Variants in NCAM2 observed in about 807,000 individuals in gnomAD.
NCAM2 encodes N-CAM-2.
NCAM2 carries 30 observed loss-of-function variants against 98.1 expected under a neutral mutation model. The observed-to-expected ratio is 0.31, with a 90% CI of 0.23 to 0.41. The LOEUF (loss-of-function observed/expected upper bound fraction) is 0.41, where lower values mean the gene tolerates loss of function less well. NCAM2 is among the 10% of genes least tolerant of loss of function. NCAM2 has a pLI of 1.00. For synonymous variants in NCAM2, 368 were observed against 342.4 expected (o/e 1.07, Z -0.83); for missense variants, 867 against 1,005.8 (o/e 0.86, Z 1.87).
intron 1 of NCAM2, among the ~76,000 whole-genome samples, chr21:21,186,696 G>C (rs1473288214): frequency 1.3e-5 from 2 of 152,000 alleles, no homozygotes; most frequent in Non-Finnish European, 2.9e-5. Context: ...TCCTATGCTT[G>C]TAATTTTCTA....
chr21:21,220,489 G>GTGTAA (rs2070103019), intron 1 of NCAM2, among the ~76,000 whole-genome samples: 1 of 152,102 alleles, frequency 6.6e-6, no homozygotes, highest in African/African-American at 2.4e-5. Context: ...GTCTAGGTCT[G>GTGTAA]TGTAAGCAAA....
intron 9 of NCAM2, among the ~76,000 whole-genome samples, chr21:21,399,116 C>T (rs944487559): frequency 3.3e-5 from 5 of 152,128 alleles, no homozygotes; most frequent in African/African-American, 1.2e-4. Context: ...AAAATTTTGT[C>T]TTTGGTCAAG....
At chr21:21,516,004 T>G (rs1988690427) in intron 16 of NCAM2, among the ~76,000 whole-genome samples, 1 of 152,164 alleles carries the variant, frequency 6.6e-6, no homozygotes, top group Non-Finnish European at 1.5e-5. Flanking sequence ...AACTCTACAG[T>G]TGTTAAGATC....
At chr21:21,534,351 T>C (rs1175291940) in intron 16 of NCAM2, among the ~76,000 whole-genome samples, 186 bp from the exon 17 acceptor site, 2 of 152,100 alleles carry the variant, frequency 1.3e-5, no homozygotes, top group East Asian at 1.9e-4. Context: ...TCTTCCTTTT[T>C]TTCTGAGTGA....
At chr21:21,375,932 A>T (rs1042534685) in intron 9 of NCAM2, among the ~76,000 whole-genome samples, 2 of 151,828 alleles carry the variant, frequency 1.3e-5, no homozygotes, top group Non-Finnish European at 2.9e-5. Flanking sequence ...TTAGTACTAA[A>T]TGTCTGTTGC....
chr21:21,146,947 A>C (rs2067292032), intron 1 of NCAM2, among the ~76,000 whole-genome samples: 1 of 150,784 alleles, frequency 6.6e-6, no homozygotes. Context: ...CTACTCCGGA[A>C]CTCAGACCGC....
intron 15 of NCAM2, among the ~76,000 whole-genome samples, chr21:21,502,627 GAAGT>G (rs1987710956): frequency 6.6e-6 from 1 of 151,912 alleles, no homozygotes; most frequent in Admixed American, 6.6e-5. Context: ...TACGAAGGAC[GAAGT>G]AAGAACATAT....
rs533111488 is a variant in NCAM2, at chr21:21,368,732, C to T, written c.1045-5131C>T. 2.0e-5 allele frequency among the ~76,000 whole-genome samples: 3 copies of T among 151,882 alleles called. No homozygotes were observed. In the South Asian group the frequency reaches 6.2e-4, roughly 31 times the overall value. ...ATCTAATCAACTCCCAAAGGCCCAA[C>T]CTCCAAAAATACCAGCACAGTGGGG... On this transcript the variant is annotated intron_variant, in intron 8 of 17. Transcript: ENST00000400546.
intron 5 of NCAM2, among the ~76,000 whole-genome samples, chr21:21,316,605 G>T (rs2074229508): frequency 7.5e-6 from 1 of 133,194 alleles, no homozygotes. Context: ...GTGTGATCTC[G>T]GCTCACTACA....
At chr21:21,229,261 A>T (rs1035764960) in intron 1 of NCAM2, among the ~76,000 whole-genome samples, 5 of 151,664 alleles carry the variant, frequency 3.3e-5, no homozygotes, top group African/African-American at 1.2e-4. Context: ...CCTATGTTTG[A>T]TTTGCTGCAT....
intron 12 of NCAM2, among the ~76,000 whole-genome samples, chr21:21,460,023 G>A (rs1038939258): frequency 2.0e-5 from 3 of 151,782 alleles, no homozygotes; most frequent in African/African-American, 7.3e-5. Flanking sequence ...TTATTTCAGA[G>A]TGTATGCATA....
At chr21:21,054,245 G>A (rs2065169543) in intron 1 of NCAM2, among the ~76,000 whole-genome samples, 1 of 151,916 alleles carries the variant, frequency 6.6e-6, no homozygotes, top group African/African-American at 2.4e-5. Flanking sequence ...AGGAACCTAG[G>A]CGTAAGTACA....
intron 1 of NCAM2, among the ~76,000 whole-genome samples, chr21:21,017,619 T>C (rs975180569): frequency 5.9e-5 from 9 of 151,990 alleles, no homozygotes; most frequent in African/African-American, 2.2e-4. Context: ...TCCTCGCTTA[T>C]GATTTCTTCC....
rs1217131122 is a variant in NCAM2 at position 21,540,586 on chromosome 21, T to C, written c.*2629T>C. 2 of 152,064 alleles carry C rather than the reference T, an allele frequency of 1.3e-5. No individual in the cohort carries two copies. Among genetic ancestry groups the C allele is most frequent in the African/African-American group, 2.4e-5 (1 of 41,444 alleles). 9.4% of individuals were successfully genotyped at this position (152,064 alleles called of 1,614,324 possible). On this transcript the variant is annotated 3_prime_UTR_variant, in exon 18 of 18. Coordinates refer to ENST00000400546, the MANE Select transcript of NCAM2 (RefSeq NM_004540.5). ...ATATGAGTAGAACTGAAATAACCTG[T>C]TTCATTCTTATTCTAGATTAAACAA...
rs549632271 is a variant in NCAM2 at position 21,405,633 on chromosome 21, T to G, written c.1196-4641T>G. 3.3e-4 allele frequency among the ~76,000 whole-genome samples: 51 copies of G among 152,262 alleles called. 1 individual carries two copies. The Middle Eastern group carries it at 0.02, about 61-fold the overall frequency. On this transcript the variant is annotated intron_variant, in intron 9 of 17. Transcript: ENST00000400546. Reference sequence around the variant, plus strand: ...GGCAAATATGTTTTAATGCAGAAGTTTACTTGTTATGATCAAGGGCAAAAG... The same window carrying G: ...GGCAAATATGTTTTAATGCAGAAGTGTACTTGTTATGATCAAGGGCAAAAG...
intron 1 of NCAM2, among the ~76,000 whole-genome samples, chr21:21,199,288 G>C (rs1421584907): frequency 6.6e-6 from 1 of 152,116 alleles, no homozygotes; most frequent in Non-Finnish European, 1.5e-5. Flanking sequence ...TCTTTCATAA[G>C]GGCCAGAGAT....
chr21:21,429,754 A>T (rs2077289291), intron 11 of NCAM2, among the ~76,000 whole-genome samples: 1 of 152,210 alleles, frequency 6.6e-6, no homozygotes, highest in Non-Finnish European at 1.5e-5. Flanking sequence ...AGACTTTTGG[A>T]TGCATCAGAA....
At chr21:21,501,799 A>T (rs1987655132) in intron 15 of NCAM2, among the ~76,000 whole-genome samples, 1 of 151,958 alleles carries the variant, frequency 6.6e-6, no homozygotes, top group Non-Finnish European at 1.5e-5. Flanking sequence ...GTAATTTTTG[A>T]GAAATTGCCC....
At chr21:21,138,632 G>GACCC (rs2146645056) in intron 1 of NCAM2, among the ~76,000 whole-genome samples, 1 of 151,984 alleles carries the variant, frequency 6.6e-6, no homozygotes, top group Admixed American at 6.5e-5. Flanking sequence ...AACAGACAGC[G>GACCC]ACCCATATAT....
Sources: gnomAD v4.1 joint callset for allele counts (sites outside exome capture counted in the v4.1 genomes callset) on GRCh38, gnomAD v4.1.1 for gene constraint, MANE v1.5 for transcripts, NCBI Gene and HGNC (gene_info 2026-07-23, HGNC 2026-07-21) for gene names.